TNRC6B: variants seen among roughly 807,000 people sequenced by gnomAD.
The protein encoded by TNRC6B is trinucleotide repeat containing adaptor 6B.
A neutral mutation model predicts 203.6 loss-of-function variants in TNRC6B; 52 were observed. The ratio of observed to expected loss-of-function variants is 0.26; its 90% CI spans 0.20 to 0.32. TNRC6B has a LOEUF of 0.32. Among genes scored for constraint, TNRC6B ranks in the 10% least tolerant of loss-of-function variants. The pLI is 1.00. For synonymous variants in TNRC6B, 838 were observed against 845.7 expected (o/e 0.99, Z 0.16); for missense variants, 1,923 against 2,286.2 (o/e 0.84, Z 3.24).
intron 3 of TNRC6B, chr22:40,156,001 C>G: frequency 2.4e-6 from 2 of 846,280 alleles, no homozygotes; most frequent in African/African-American, 1.7e-5. Context: ...GGCTTCTGTT[C>G]TGTGCACCAC....
chr22:40,308,513 C>G lies in TNRC6B; in HGVS notation c.4122C>G (p.Gly1374=). 1 of 1,613,930 alleles carries G rather than the reference C, an allele frequency of 6.2e-7. No individual in the cohort carries two copies. The highest frequency in any genetic ancestry group is 8.5e-7 in the Non-Finnish European group (1 of 1,179,860). The stretch of plus-strand genomic sequence containing the variant: ...AAAATGTGGTCTTCTCCTTTTTAGG[C>G]TTCAGCTCTGGCGGCATGGACTATG... ...TKGPIPGYGS[G]FSSGGMDYGM... is the part of the protein sequence containing the mutation. The change falls in exon 16 of 23, where the codon GGC becomes GGG. Residue 1374 remains glycine (G), a splice_region_variant and synonymous_variant. Transcript: ENST00000454349.
chr22:40,211,321 T>C (rs1025124871), intron 1 of TNRC6B, among the ~76,000 whole-genome samples: 4 of 152,056 alleles, frequency 2.6e-5, no homozygotes, highest in Admixed American at 1.3e-4. Context: ...CTCAAGCGAT[T>C]CTCCACCTTG....
chr22:40,265,384 C>T lies in TNRC6B; in HGVS notation c.1154C>T (p.Ser385Leu), dbSNP rs1472641403. ...NGNTNSLNLS[S>L]PNPMENKGMP... is the part of the protein sequence containing the mutation. Reference sequence around the variant, plus strand: ...AACACTAACTCCTTGAACTTAAGTTCACCAAACCCCATGGAGAATAAGGGA... The same window carrying T: ...AACACTAACTCCTTGAACTTAAGTTTACCAAACCCCATGGAGAATAAGGGA... Residue 385 changes from serine (S) to leucine (L), a missense_variant, in exon 5 of 23, where the codon TCA becomes TTA. Coordinates refer to ENST00000454349, the MANE Select transcript of TNRC6B (RefSeq NM_001162501.2). 1.2e-6 allele frequency: 2 copies of T among 1,613,978 alleles called. No individual in the cohort carries two copies. The highest frequency in any genetic ancestry group is 2.2e-5 in the East Asian group (1 of 44,876).
At chr22:40,049,021 C>T (rs1371334169) in intron 1 of TNRC6B, among the ~76,000 whole-genome samples, 1 of 152,062 alleles carries the variant, frequency 6.6e-6, no homozygotes, top group Non-Finnish European at 1.5e-5. Flanking sequence ...TCACCACGCC[C>T]AGCTAATTTT....
At chr22:40,252,237 T>C (rs1415684756) in intron 3 of TNRC6B, among the ~76,000 whole-genome samples, 2 of 152,258 alleles carry the variant, frequency 1.3e-5, no homozygotes, top group Non-Finnish European at 2.9e-5. Context: ...CGTCAAAATA[T>C]GCAGTCCCAG....
At chr22:40,240,151 T>A (rs2070008798) in intron 1 of TNRC6B, among the ~76,000 whole-genome samples, 1 of 152,136 alleles carries the variant, frequency 6.6e-6, no homozygotes, top group Non-Finnish European at 1.5e-5. Context: ...TATTTTCTAT[T>A]CAGGTACAAG....
intron 1 of TNRC6B, among the ~76,000 whole-genome samples, chr22:40,234,490 T>G (rs2069921703): frequency 6.6e-6 from 1 of 152,168 alleles, no homozygotes; most frequent in East Asian, 1.9e-4. Context: ...AATGGAAAAT[T>G]GTAGGCCCTG....
intron 1 of TNRC6B, among the ~76,000 whole-genome samples, chr22:40,181,246 C>G (rs1158142475): frequency 6.6e-6 from 1 of 152,126 alleles, no homozygotes; most frequent in African/African-American, 2.4e-5. Flanking sequence ...ACAAGAGACA[C>G]TAGAAGAGTG....
At chr22:40,218,263 G>A (rs1168839938) in intron 1 of TNRC6B, among the ~76,000 whole-genome samples, 1 of 151,108 alleles carries the variant, frequency 6.6e-6, no homozygotes, top group African/African-American at 2.4e-5. Context: ...AACAGGAAAA[G>A]GAAGTGCTAC....
At chr22:40,242,441 T>C (rs989771124) in intron 1 of TNRC6B, among the ~76,000 whole-genome samples, 6 of 152,132 alleles carry the variant, frequency 3.9e-5, no homozygotes, top group Non-Finnish European at 8.8e-5. Context: ...CTTTTCTTTT[T>C]TTTTTTGAGA....
At chr22:40,241,755 G>A (rs1487629701) in intron 1 of TNRC6B, among the ~76,000 whole-genome samples, 8 of 152,160 alleles carry the variant, frequency 5.3e-5, no homozygotes, top group African/African-American at 1.9e-4. Context: ...ATTTTATGGG[G>A]AGGTGTTTTG....
intron 1 of TNRC6B, among the ~76,000 whole-genome samples, chr22:40,199,952 C>G (rs1236947559): frequency 6.6e-6 from 1 of 152,026 alleles, no homozygotes; most frequent in Non-Finnish European, 1.5e-5. Flanking sequence ...GCATGTGCCA[C>G]CATACCCGAC....
At chr22:40,274,898 G>A (rs1453519005) in intron 7 of TNRC6B, among the ~76,000 whole-genome samples, 2 of 152,002 alleles carry the variant, frequency 1.3e-5, no homozygotes, top group African/African-American at 2.4e-5. Flanking sequence ...CCAGATTTTC[G>A]TTTGACAAAT....
chr22:40,243,162 A>G (rs966184611), intron 1 of TNRC6B, among the ~76,000 whole-genome samples: 2 of 151,986 alleles, frequency 1.3e-5, no homozygotes, highest in African/African-American at 2.4e-5. Context: ...AGCCACCGCA[A>G]CCGGCCTGGA....
intron 1 of TNRC6B, among the ~76,000 whole-genome samples, chr22:40,215,738 G>A (rs2069626334): frequency 6.6e-6 from 1 of 152,120 alleles, no homozygotes; most frequent in South Asian, 2.1e-4. Context: ...ATAACTTTAT[G>A]TCTAGTTAAC....
In TNRC6B at chr22:40,151,835, A is replaced by G. The variant is rs149167072; in HGVS notation, c.46-4280A>G. 4.4e-3 allele frequency among the ~76,000 whole-genome samples: 669 copies of G among 150,838 alleles called. 2 individuals are homozygous for G. Among genetic ancestry groups the G allele is most frequent in the Admixed American group, 7.7e-3 (116 of 15,096 alleles). On this transcript the variant is annotated intron_variant, in intron 3 of 23. Coordinates refer to the TNRC6B transcript ENST00000301923. ...ATCAATCTCAGAGATTCATTCAGACACAAAAATGAAGAAAGAGAAAGAAAA... is the reference window on the plus strand; with the variant it reads ...ATCAATCTCAGAGATTCATTCAGACGCAAAAATGAAGAAAGAGAAAGAAAA...
rs976750825 is a variant in TNRC6B at position 40,061,042 on chromosome 22, C to T, written c.-121+16044C>T. Among the ~76,000 whole-genome samples, 13 of 152,062 alleles carry T rather than the reference C, an allele frequency of 8.5e-5. No individual in the cohort carries two copies. In the South Asian group the frequency reaches 1.4e-3, roughly 17 times the overall value. Reference sequence around the variant, plus strand: ...CCCAAGAGCCAACCTTTTTGCAAGCCGACTTTTCCAAGGATAGTAGCCTCT... The same window carrying T: ...CCCAAGAGCCAACCTTTTTGCAAGCTGACTTTTCCAAGGATAGTAGCCTCT... On this transcript the variant is annotated intron_variant, in intron 1 of 23. Transcript: ENST00000301923.
intron 2 of TNRC6B, among the ~76,000 whole-genome samples, chr22:40,122,462 T>G (rs1268668732): frequency 6.6e-6 from 1 of 152,116 alleles, no homozygotes; most frequent in African/African-American, 2.4e-5. Flanking sequence ...CACGGGTAGT[T>G]GTGAGGGTCC....
intron 18 of TNRC6B, 51 bp from the exon 19 acceptor site, chr22:40,312,851 T>C: frequency 1.9e-6 from 3 of 1,543,928 alleles, no homozygotes; most frequent in Non-Finnish European, 2.7e-6. Context: ...GTTTCACTGG[T>C]TATACTGACA....
Sources: gnomAD v4.1 joint callset for allele counts (sites outside exome capture counted in the v4.1 genomes callset) on GRCh38, gnomAD v4.1.1 for gene constraint, MANE v1.5 for transcripts, NCBI Gene and HGNC (gene_info 2026-07-23, HGNC 2026-07-21) for gene names.